LAMA3: variants seen among roughly 807,000 people sequenced by gnomAD.
LAMA3 encodes laminin subunit alpha-3.
LAMA3 carries 281 observed loss-of-function variants against 402.0 expected under a neutral mutation model. The observed-to-expected ratio is 0.70, with a 90% CI of 0.63 to 0.77. The LOEUF is 0.77. LAMA3 is among the 30% of genes least tolerant of loss of function. LAMA3 has a pLI of 0.00. For synonymous variants in LAMA3, 1,431 were observed against 1,558.4 expected (o/e 0.92, Z 1.93); for missense variants, 3,840 against 4,215.5 (o/e 0.91, Z 2.47).
chr18:23,943,969 A>G lies in LAMA3; in HGVS notation c.9208A>G (p.Thr3070Ala). Residue 3070 changes from threonine (T) to alanine (A), a missense_variant and splice_region_variant, in exon 69 of 75, where the codon ACG (threonine) becomes GCG (alanine). Physicochemically the swap from Thr to Ala is moderately conservative, Grantham distance 58. This residue lies in a region of LAMA3 where 840 missense variants were observed against 981.9 expected (regional missense o/e 0.86). Transcript: ENST00000313654. The part of the protein sequence containing the change: ...KEKCNDGKWH[T>A]VVFGHDGEKG... Reference sequence around the variant, plus strand: ...GAAATGCAATGATGGGAAATGGCACACGGTAAGAGCTGGGGCTGTGTCAGT... The same window carrying G: ...GAAATGCAATGATGGGAAATGGCACGCGGTAAGAGCTGGGGCTGTGTCAGT... 6.2e-7 allele frequency: 1 copy of G among 1,613,890 alleles called. No homozygotes were observed. The highest frequency in any genetic ancestry group is 8.5e-7 in the Non-Finnish European group (1 of 1,179,838).
At chr18:23,780,843 C>CATTG (rs1485067071) in intron 11 of LAMA3, among the ~76,000 whole-genome samples, 1 of 152,118 alleles carries the variant, frequency 6.6e-6, no homozygotes, top group African/African-American at 2.4e-5. Flanking sequence ...GTCCTGCAGG[C>CATTG]ATTGGGTCAC....
intron 32 of LAMA3, 119 bp from the exon 33 acceptor site, chr18:23,857,725 C>T: frequency 8.1e-7 from 1 of 1,239,222 alleles, no homozygotes; most frequent in Non-Finnish European, 1.2e-6. Flanking sequence ...GGACTATAAG[C>T]AGGCATTGTA....
chr18:23,756,814 C>T (rs2061853045), intron 6 of LAMA3, among the ~76,000 whole-genome samples: 1 of 152,154 alleles, frequency 6.6e-6, no homozygotes. Context: ...TCAGGGAGCC[C>T]TGGATGGGGC....
intron 5 of LAMA3, among the ~76,000 whole-genome samples, chr18:23,752,906 G>A (rs2061778423): frequency 6.6e-6 from 1 of 152,196 alleles, no homozygotes; most frequent in Admixed American, 6.5e-5. Context: ...TGGCAGCATG[G>A]CCTCAATGAG....
intron 32 of LAMA3, among the ~76,000 whole-genome samples, chr18:23,854,811 G>A (rs2001437): frequency 0.47 from 70,873 of 149,800 alleles, 18,912 homozygotes; most frequent in Non-Finnish European, 0.62. Context: ...ATGAAACCTC[G>A]ACTCTCCTAA....
Position 23,917,227 on chromosome 18 carries a change from T to C in LAMA3, c.7923+532T>C, listed in dbSNP as rs58462279. Among the ~76,000 whole-genome samples the C allele has an allele frequency of 7.9e-5, 12 of 152,278 alleles. No individual in the cohort carries two copies. The South Asian group carries it at 2.5e-3, about 32-fold the overall frequency. On this transcript the variant is annotated intron_variant, in intron 60 of 74. Transcript: ENST00000313654. ...GTTCTTTTTTATGGCTGTGTAGTAT[T>C]CCATGGTGTATATGTACCTCATTTT...
chr18:23,738,544 G>T (rs1001052640), intron 2 of LAMA3, among the ~76,000 whole-genome samples: 2 of 152,210 alleles, frequency 1.3e-5, no homozygotes, highest in African/African-American at 4.8e-5. Context: ...GGAGCATGGA[G>T]AATCAGGCCC....
At chr18:23,873,907 C>T (rs964498479) in intron 38 of LAMA3, among the ~76,000 whole-genome samples, 2 of 152,056 alleles carry the variant, frequency 1.3e-5, no homozygotes, top group East Asian at 3.8e-4. Flanking sequence ...AGAACACATT[C>T]GTTTTCATTT....
At chr18:23,906,845 A>T (rs1023186810) in intron 52 of LAMA3, among the ~76,000 whole-genome samples, 1 of 152,222 alleles carries the variant, frequency 6.6e-6, no homozygotes, top group African/African-American at 2.4e-5. Context: ...CTATGTTGCT[A>T]TGTAAACCAG....
chr18:23,856,202 C>T (rs2144700014), intron 32 of LAMA3, among the ~76,000 whole-genome samples: 1 of 152,266 alleles, frequency 6.6e-6, no homozygotes, highest in African/African-American at 2.4e-5. Flanking sequence ...TTCTTAATCA[C>T]ATACAAAATC....
At position 23,889,902 on chromosome 18, in the gene LAMA3, C is replaced by T. The variant is rs2080593686; in HGVS notation, c.5304-109C>T. On this transcript the variant is annotated intron_variant, in intron 41 of 74. Coordinates refer to ENST00000313654, the MANE Select transcript of LAMA3 (RefSeq NM_198129.4). ...TTCTTGCAGATCTATGTCGGTCTTC[C>T]ACCCATTGGGTTACAATATCCCAAA... The T allele has an allele frequency of 7.3e-6, 6 of 822,184 alleles. No individual in the cohort carries two copies. In the South Asian group the frequency reaches 8.0e-5, roughly 11 times the overall value. The allele number at this position is 822,184 out of a possible 1,614,324, so 50.9% of individuals were successfully genotyped here.
intron 2 of LAMA3, among the ~76,000 whole-genome samples, chr18:23,718,582 G>C (rs1444560414): frequency 6.6e-6 from 1 of 152,204 alleles, no homozygotes; most frequent in Non-Finnish European, 1.5e-5. Context: ...ATGGAGGTGT[G>C]AGGAGAGAAG....
chr18:23,869,847 T>A (rs1339657919), intron 37 of LAMA3, among the ~76,000 whole-genome samples: 2 of 152,078 alleles, frequency 1.3e-5, no homozygotes, highest in African/African-American at 4.8e-5. Context: ...GGTGGGTGGA[T>A]CACGAGGTCA....
At chr18:23,709,994 A>G in intron 1 of LAMA3, 1 of 745,616 alleles carries the variant, frequency 1.3e-6, no homozygotes, top group Non-Finnish European at 2.4e-6. Context: ...TAACATCCAC[A>G]ACGAACACAA....
intron 2 of LAMA3, among the ~76,000 whole-genome samples, chr18:23,716,480 G>A (rs956048532): frequency 1.3e-5 from 2 of 151,864 alleles, no homozygotes; most frequent in South Asian, 4.2e-4. Context: ...TTTAACTGAG[G>A]GTTTTTATAG....
chr18:23,699,047 AGAGAG>A (rs2060741589), intron 1 of LAMA3, among the ~76,000 whole-genome samples: 1 of 151,812 alleles, frequency 6.6e-6, no homozygotes, highest in Non-Finnish European at 1.5e-5. Flanking sequence ...AGAGAGAGAG[AGAGAG>A]AGAAAGAAAA....
Position 23,748,066 on chromosome 18 carries a change from T to C in LAMA3, c.565+6T>C, listed in dbSNP as rs767309208. 7.1e-7 allele frequency: 1 copy of C among 1,413,972 alleles called. No homozygotes were observed. The highest frequency in any genetic ancestry group is 1.0e-6 in the Non-Finnish European group (1 of 997,178). The allele number at this position is 1,413,972 out of a possible 1,614,324, so 87.6% of individuals were successfully genotyped here. On this transcript the variant is annotated splice_donor_region_variant and intron_variant, in intron 3 of 74. Coordinates refer to ENST00000313654, the MANE Select transcript of LAMA3 (RefSeq NM_198129.4). The stretch of plus-strand genomic sequence containing the variant: ...ACCATGGCAATATTTTGCTCGTAAG[T>C]AATCTTGCCTACCATGTTATGCATG...
chr18:23,863,485 A>G (rs1425813096), intron 35 of LAMA3, among the ~76,000 whole-genome samples: 1 of 152,132 alleles, frequency 6.6e-6, no homozygotes. Context: ...ATTAAGCCCC[A>G]CCTCTTGAAG....
In LAMA3 at chr18:23,846,500, G is replaced by C; in HGVS notation, c.3923G>C (p.Arg1308Pro). ...RCATGHYGFP[R>P]CKPCSCGRRL... ...GCAACAGGCCACTACGGATTCCCACGCTGCAAGCGTAAGTGCACGTTTCCC... is the reference window on the plus strand; with the variant it reads ...GCAACAGGCCACTACGGATTCCCACCCTGCAAGCGTAAGTGCACGTTTCCC... The change falls in exon 31 of 75, where the codon CGC becomes CCC. Residue 1308 changes from arginine (R) to proline (P), a missense_variant. Around this residue, in one of 3 missense-constraint regions of LAMA3, gnomAD observed 2,109 missense variants for 2,376.0 expected, o/e 0.89. Coordinates refer to ENST00000313654, the MANE Select transcript of LAMA3 (RefSeq NM_198129.4). The C allele has an allele frequency of 6.2e-7, 1 of 1,608,144 alleles. No individual in the cohort carries two copies. Among genetic ancestry groups the C allele is most frequent in the South Asian group, 1.1e-5 (1 of 91,044 alleles).
Sources: allele counts gnomAD v4.1 joint callset (sites outside exome capture counted in the v4.1 genomes callset), GRCh38; gene constraint gnomAD v4.1.1; regional missense constraint gnomAD v4.1.1; transcripts MANE v1.5; gene names NCBI Gene and HGNC (gene_info 2026-07-23, HGNC 2026-07-21).